Variants in MYRIP observed in about 807,000 individuals in gnomAD.
MYRIP encodes the protein myosin VIIA and Rab interacting protein.
Under a neutral mutation model 98.0 loss-of-function variants are expected in MYRIP, and 49 were observed. The observed-to-expected ratio is 0.50, with a 90% confidence interval of 0.40 to 0.63. The LOEUF (loss-of-function observed/expected upper bound fraction) is 0.63, where lower values mean the gene tolerates loss of function less well. Among genes scored for constraint, MYRIP ranks in the 30% least tolerant of loss-of-function variants. The pLI, the probability that MYRIP is intolerant of heterozygous loss-of-function variation, is 0.00. For synonymous variants in MYRIP, 404 were observed against 409.5 expected, an observed-to-expected ratio of 0.99 and a Z score of 0.16; for missense variants, 1,004 against 1,058.2, an observed-to-expected ratio of 0.95 and a Z score of 0.71.
intron 2 of MYRIP, among the ~76,000 whole-genome samples, chr3:39,936,709 C>T (rs977927217): frequency 9.2e-5 from 14 of 152,220 alleles, no homozygotes; most frequent in South Asian, 2.1e-4. Flanking sequence ...GACTCCCCGA[C>T]GTGGAGCTTG....
At chr3:39,907,039 A>G (rs7621335) in intron 2 of MYRIP, among the ~76,000 whole-genome samples, 2,766 of 152,104 alleles carry the variant, frequency 0.018, 83 homozygotes, top group African/African-American at 0.063. Context: ...CCTGGCATCA[A>G]TTGGAGTGCA....
At chr3:40,027,939 A>T (rs1282382934) in intron 2 of MYRIP, among the ~76,000 whole-genome samples, 1 of 152,104 alleles carries the variant, frequency 6.6e-6, no homozygotes, top group Non-Finnish European at 1.5e-5. Context: ...ACTTACAGGA[A>T]TGGATGAGTC....
chr3:40,251,826 ACAAT>A (rs1178186181), intron 15 of MYRIP, 51 bp from the exon 16 acceptor site: 4 of 1,253,020 alleles, frequency 3.2e-6, no homozygotes, highest in South Asian at 1.2e-5. Context: ...TTTTTCCTTA[ACAAT>A]CAATCAGTCC....
At chr3:39,970,300 A>G (rs1335517720) in intron 2 of MYRIP, 1 of 152,148 alleles carries the variant, frequency 6.6e-6, no homozygotes, top group Non-Finnish European at 1.5e-5. Flanking sequence ...ATAGCATTCA[A>G]TATAATAACT....
intron 3 of MYRIP, among the ~76,000 whole-genome samples, chr3:40,048,077 C>T (rs1049071275): frequency 6.6e-6 from 1 of 152,158 alleles, no homozygotes; most frequent in Non-Finnish European, 1.5e-5. Flanking sequence ...TTAGACACTA[C>T]TCTTTGGAAC....
chr3:39,904,871 G>A (rs1306510208), intron 2 of MYRIP, among the ~76,000 whole-genome samples: 2 of 152,162 alleles, frequency 1.3e-5, no homozygotes, highest in African/African-American at 2.4e-5. Context: ...AATTTTTAAT[G>A]TCATTAAAGC....
chr3:39,826,339 CAT>C (rs1941266484), intron 1 of MYRIP, among the ~76,000 whole-genome samples: 1 of 151,964 alleles, frequency 6.6e-6, no homozygotes, highest in Admixed American at 6.6e-5. Context: ...TTTGCTGTGT[CAT>C]AGGTTTTGAT....
chr3:39,937,153 A>G (rs1252700749), intron 2 of MYRIP, among the ~76,000 whole-genome samples: 2 of 152,146 alleles, frequency 1.3e-5, no homozygotes, highest in African/African-American at 4.8e-5. Context: ...AAGGGCCTTC[A>G]AGTGACTATG....
chr3:40,054,481 T>C (rs994019325), intron 3 of MYRIP, among the ~76,000 whole-genome samples: 1 of 152,204 alleles, frequency 6.6e-6, no homozygotes. Context: ...CTAGTCTGGA[T>C]GTTGCAGTGA....
At chr3:40,029,194 C>T (rs1211075365) in intron 2 of MYRIP, among the ~76,000 whole-genome samples, 1 of 152,188 alleles carries the variant, frequency 6.6e-6, no homozygotes. Context: ...TGACTTAGCA[C>T]ATCTTCTGCC....
At chr3:39,836,605 C>T (rs1036065664) in intron 1 of MYRIP, among the ~76,000 whole-genome samples, 8 of 152,120 alleles carry the variant, frequency 5.3e-5, no homozygotes, top group Admixed American at 1.3e-4. Flanking sequence ...ACCCCTGACC[C>T]GGCGACAGAT....
chr3:39,918,491 A>G (rs1484446149), intron 2 of MYRIP, among the ~76,000 whole-genome samples: 1 of 152,120 alleles, frequency 6.6e-6, no homozygotes, highest in Admixed American at 6.5e-5. Context: ...TCCCGCAACC[A>G]CCTGGGCCTC....
chr3:39,976,487 C>T (rs1029454656), intron 2 of MYRIP, among the ~76,000 whole-genome samples: 6 of 152,166 alleles, frequency 3.9e-5, no homozygotes, highest in African/African-American at 1.4e-4. Context: ...GTCAGTGTGG[C>T]GATTCCTCAG....
intron 1 of MYRIP, among the ~76,000 whole-genome samples, chr3:39,864,670 A>G (rs1049225187): frequency 6.6e-6 from 1 of 152,192 alleles, no homozygotes; most frequent in African/African-American, 2.4e-5. Flanking sequence ...CAAATGAAAA[A>G]CATTCCATGC....
intron 10 of MYRIP, among the ~76,000 whole-genome samples, chr3:40,203,589 C>T (rs1951631419): frequency 6.8e-6 from 1 of 147,532 alleles, no homozygotes. Flanking sequence ...TAGGAGTATT[C>T]TATCGTTAAG....
chr3:40,172,656 C>G (rs1480959263), intron 8 of MYRIP, among the ~76,000 whole-genome samples: 1 of 152,154 alleles, frequency 6.6e-6, no homozygotes, highest in African/African-American at 2.4e-5. Flanking sequence ...CAGCAAGGCT[C>G]CAGGCCCAGA....
intron 2 of MYRIP, among the ~76,000 whole-genome samples, chr3:39,976,457 C>T (rs1204087233): frequency 6.6e-6 from 1 of 152,192 alleles, no homozygotes; most frequent in Non-Finnish European, 1.5e-5. Flanking sequence ...GGACTCTAAC[C>T]TAGTTCAACC....
intron 2 of MYRIP, among the ~76,000 whole-genome samples, chr3:40,026,419 C>T (rs1240252107): frequency 1.3e-5 from 2 of 152,110 alleles, no homozygotes; most frequent in Admixed American, 1.3e-4. Context: ...TTCAAACACA[C>T]ATGTTTTACA....
intron 4 of MYRIP, among the ~76,000 whole-genome samples, chr3:40,156,289 G>A (rs1006430159): frequency 1.3e-5 from 2 of 152,172 alleles, no homozygotes; most frequent in African/African-American, 4.8e-5. Context: ...GTTTGTGAAA[G>A]ATCAGATAGT....
Sources: gnomAD v4.1 joint callset for allele counts (sites outside exome capture counted in the v4.1 genomes callset) on GRCh38, gnomAD v4.1.1 for gene constraint, MANE v1.5 for transcripts, NCBI Gene and HGNC (gene_info 2026-07-23, HGNC 2026-07-21) for gene names.